The following ZSCAN5A variants were observed in gnomAD, a reference collection of about 807,000 sequenced individuals.
The protein encoded by ZSCAN5A is zinc finger and SCAN domain containing 5A.
In ZSCAN5A, 12 loss-of-function variants were observed where a neutral mutation model predicts 23.7. That is an observed-to-expected ratio of 0.51 (90% confidence interval 0.32 to 0.82). The LOEUF (loss-of-function observed/expected upper bound fraction) is 0.82, where lower values mean the gene tolerates loss of function less well. ZSCAN5A is among the 40% of genes least tolerant of loss of function. The pLI is 0.03. For missense variants in ZSCAN5A, 597 were observed against 617.9 expected (o/e 0.97, Z 0.36); for synonymous variants, 257 against 239.9 (o/e 1.07, Z -0.66).
intron 2 of ZSCAN5A, among the ~76,000 whole-genome samples, chr19:56,267,004 TCC>T (rs1375607581): frequency 1.3e-5 from 2 of 151,544 alleles, no homozygotes; most frequent in Non-Finnish European, 2.9e-5. Context: ...CGTGTCAAAT[TCC>T]TTCTGCTTTT....
chr19:56,223,767 G>A lies in ZSCAN5A; in HGVS notation c.452C>T (p.Pro151Leu), dbSNP rs759720886. The stretch of plus-strand genomic sequence containing the variant: ...TTTCAGATCATCTCTGACACTGGAG[G>A]GGGCTTCAGCCATCTCGATATCTGA... Reference protein sequence around the residue: ...QDSDIEMAEAPSSVRDDLKDV... With the variant: ...QDSDIEMAEALSSVRDDLKDV... Residue 151 changes from proline (P) to leucine (L), a missense_variant, in exon 4 of 6, where the codon CCC (proline) becomes CTC (leucine). Physicochemically the swap from Pro to Leu is moderately conservative, Grantham distance 98. This residue lies in a region of ZSCAN5A where 406 missense variants were observed against 353.2 expected (regional missense o/e 1.15). Transcript: ENST00000683990. 10 of 1,613,766 alleles carry A rather than the reference G, an allele frequency of 6.2e-6. No homozygotes were observed. The highest frequency in any genetic ancestry group is 8.5e-6 in the Non-Finnish European group (10 of 1,180,008).
chr19:56,366,980 TTAA>T (rs1240854022), intron 1 of ZSCAN5A, among the ~76,000 whole-genome samples: 1 of 152,118 alleles, frequency 6.6e-6, no homozygotes, highest in Non-Finnish European at 1.5e-5. Context: ...ACTTAACTCA[TTAA>T]TGAGAAAAAC....
At chr19:56,328,798 G>A (rs1307277284) in intron 2 of ZSCAN5A, among the ~76,000 whole-genome samples, 5 of 148,690 alleles carry the variant, frequency 3.4e-5, no homozygotes, top group South Asian at 4.3e-4. Context: ...TCAGGAGATC[G>A]AGACCACGGT....
intron 2 of ZSCAN5A, among the ~76,000 whole-genome samples, chr19:56,249,227 T>G (rs572725371): frequency 2.0e-5 from 3 of 152,264 alleles, no homozygotes; most frequent in African/African-American, 7.2e-5. Flanking sequence ...AGCTTCCAGT[T>G]TAGTAGATCA....
In ZSCAN5A at chr19:56,224,116, T is replaced by G. The variant is rs192717546; in HGVS notation, c.385-282A>C. 2.0e-4 allele frequency among the ~76,000 whole-genome samples: 31 copies of G among 151,970 alleles called. No individual in the cohort carries two copies. The East Asian group carries it at 5.4e-3, about 27-fold the overall frequency. Reference sequence around the variant, plus strand: ...AAAGAGAAGACAAGGAGAAATATTCTGGGTGAATCCAACTCAATTGGCCGA... The same window carrying G: ...AAAGAGAAGACAAGGAGAAATATTCGGGGTGAATCCAACTCAATTGGCCGA... On this transcript the variant is annotated intron_variant, in intron 3 of 5. Coordinates refer to ENST00000683990, the MANE Select transcript of ZSCAN5A (RefSeq NM_001322064.3).
At chr19:56,320,630 T>A in intron 2 of ZSCAN5A, 1 of 689,252 alleles carries the variant, frequency 1.5e-6, no homozygotes, top group South Asian at 1.5e-5. Context: ...ATAATAATAA[T>A]AATAATAAGC....
At chr19:56,321,382 C>T in intron 2 of ZSCAN5A, 1 of 641,602 alleles carries the variant, frequency 1.6e-6, no homozygotes, top group Admixed American at 2.4e-5. Flanking sequence ...AGTTGGCTGG[C>T]AGATAGCTGC....
chr19:56,222,000 A>C lies in ZSCAN5A; in HGVS notation c.1066T>G (p.Phe356Val). 1 of 1,614,146 alleles carries C rather than the reference A, an allele frequency of 6.2e-7. No individual in the cohort carries two copies. The highest frequency in any genetic ancestry group is 8.5e-7 in the Non-Finnish European group (1 of 1,180,026). ...CTCTTCTCGCACACGTCACATGCAAAGGGCGGCAGTGCCTTGGCTTCTTGG... is the reference window on the plus strand; with the variant it reads ...CTCTTCTCGCACACGTCACATGCAACGGGCGGCAGTGCCTTGGCTTCTTGG... ...DGQEAKALPP[F>V]ACDVCEKRFT... The change falls in exon 6 of 6, where the codon TTT becomes GTT. Residue 356 changes from phenylalanine to valine, a missense_variant. Phe to Val is a conservative substitution (Grantham distance 50, BLOSUM62 -1). Transcript: ENST00000683990.
rs370671539 is a variant in ZSCAN5A, at chr19:56,222,602, G to C, written c.728C>G (p.Pro243Arg). 168 of 1,614,038 alleles carry C rather than the reference G, an allele frequency of 1.0e-4. No homozygotes were observed. The highest frequency in any genetic ancestry group is 1.4e-4 in the Non-Finnish European group (165 of 1,180,036). ...GTCTTCATACTCACTGGGACTCTTTGGAAGCTGAGGCTCTGGGGATGTCAG... is the reference window on the plus strand; with the variant it reads ...GTCTTCATACTCACTGGGACTCTTTCGAAGCTGAGGCTCTGGGGATGTCAG... ...PGLTSPEPQLPKSPTDLVRAK... is the reference protein window; with the variant it reads ...PGLTSPEPQLRKSPTDLVRAK... The change falls in exon 5 of 6, where the codon CCA becomes CGA. Residue 243 changes from proline to arginine, a missense_variant. Transcript: ENST00000683990.
intron 2 of ZSCAN5A, among the ~76,000 whole-genome samples, chr19:56,227,880 C>G (rs950540837): frequency 6.6e-6 from 1 of 151,904 alleles, no homozygotes; most frequent in Non-Finnish European, 1.5e-5. Context: ...ATACCGAGAC[C>G]CCATCTCTGC....
At position 56,352,664 on chromosome 19, in the gene ZSCAN5A, C is replaced by G. The variant is rs934445088; in HGVS notation, c.-358+10571G>C. ...GTGGGTGGGAAATTACAAAGAACAA[C>G]TTGATTAGGTATCAGGAGCAGAATC... On this transcript the variant is annotated intron_variant, in intron 2 of 6. Transcript: ENST00000587340. The surrounding 1 kb of genome is among the most constrained non-coding windows in gnomAD (Gnocchi z 4.2). Among the ~76,000 whole-genome samples the G allele has an allele frequency of 1.3e-5, 2 of 152,200 alleles. No homozygotes were observed. The highest frequency in any genetic ancestry group is 2.9e-5 in the Non-Finnish European group (2 of 68,042).
At chr19:56,245,510 A>G (rs1325007147) in intron 2 of ZSCAN5A, 2 of 408,322 alleles carry the variant, frequency 4.9e-6, no homozygotes, top group Non-Finnish European at 8.9e-6. Context: ...TGATTGAGAG[A>G]TTTGGCACAG....
chr19:56,237,984 C>CACGGACACAT (rs2146574078), intron 2 of ZSCAN5A, among the ~76,000 whole-genome samples: 1 of 78,894 alleles, frequency 1.3e-5, no homozygotes, highest in Admixed American at 1.4e-4. Context: ...GACACACACA[C>CACGGACACAT]ATACACACAT....
At chr19:56,294,276 G>A (rs1365748858) in intron 2 of ZSCAN5A, among the ~76,000 whole-genome samples, 8 of 152,258 alleles carry the variant, frequency 5.3e-5, no homozygotes, top group Middle Eastern at 3.4e-3. Flanking sequence ...TCTTTCTCCC[G>A]GACCCTCACA....
At chr19:56,244,427 G>A in intron 2 of ZSCAN5A, 2 of 1,579,756 alleles carry the variant, frequency 1.3e-6, no homozygotes, top group Non-Finnish European at 1.7e-6. Flanking sequence ...CAAGAAATGG[G>A]TGAGTGGGAC....
intron 2 of ZSCAN5A, among the ~76,000 whole-genome samples, chr19:56,254,900 G>T (rs2036591859): frequency 6.6e-6 from 1 of 152,020 alleles, no homozygotes; most frequent in East Asian, 1.9e-4. Context: ...GTGTTTTGTT[G>T]TTGAGTTAGC....
intron 2 of ZSCAN5A, among the ~76,000 whole-genome samples, chr19:56,239,672 G>A (rs2146599038): frequency 6.6e-6 from 1 of 150,722 alleles, no homozygotes; most frequent in East Asian, 1.9e-4. Context: ...AAAAAGAAAA[G>A]TAAAGAATTA....
At chr19:56,246,474 T>G (rs2035906624) in intron 2 of ZSCAN5A, 1 of 627,382 alleles carries the variant, frequency 1.6e-6, no homozygotes, top group South Asian at 2.0e-5. Flanking sequence ...CTAGTGAGTA[T>G]GAAGACTTGG....
intron 2 of ZSCAN5A, chr19:56,280,464 T>C (rs928143761): frequency 6.6e-6 from 1 of 152,056 alleles, no homozygotes; most frequent in African/African-American, 2.4e-5. Flanking sequence ...TAGATCTACA[T>C]ATTTATATCT....
Sources: gnomAD v4.1 joint callset for allele counts (sites outside exome capture counted in the v4.1 genomes callset) on GRCh38, gnomAD v4.1.1 for gene constraint, gnomAD v4.1.1 regional missense constraint, Gnocchi (gnomAD v3.1) non-coding constraint, MANE v1.5 for transcripts, NCBI Gene and HGNC (gene_info 2026-07-23, HGNC 2026-07-21) for gene names.